The following HTR1D variants were observed in gnomAD, a reference collection of about 807,000 sequenced individuals.
The protein encoded by HTR1D is 5-hydroxytryptamine receptor 1D.
A neutral mutation model predicts 21.1 loss-of-function variants in HTR1D; 18 were observed. The observed-to-expected ratio is 0.85, with a 90% CI of 0.59 to 1.27. The LOEUF (loss-of-function observed/expected upper bound fraction) is 1.27, where lower values mean the gene tolerates loss of function less well. Ranked by LOEUF, HTR1D falls within the 50% of genes most tolerant of loss-of-function variation. HTR1D has a pLI of 0.00. For synonymous variants in HTR1D, 196 were observed against 204.4 expected, an observed-to-expected ratio of 0.96 and a Z score of 0.35; for missense variants, 456 against 481.4, an observed-to-expected ratio of 0.95 and a Z score of 0.49.
chr1:23,197,437 A>G (rs1409848567), intron 1 of HTR1D, among the ~76,000 whole-genome samples: 1 of 152,218 alleles, frequency 6.6e-6, no homozygotes, highest in Non-Finnish European at 1.5e-5. Context: ...AAATAATAAA[A>G]TAAAAAATAC....
At chr1:23,200,604 C>T (rs755004714) in intron 1 of HTR1D, among the ~76,000 whole-genome samples, 1 of 152,038 alleles carries the variant, frequency 6.6e-6, no homozygotes, top group Non-Finnish European at 1.5e-5. Flanking sequence ...AAATTCCTGG[C>T]CTCAAGTGAT....
chr1:23,198,752 G>A (rs755309449), intron 1 of HTR1D, among the ~76,000 whole-genome samples: 27 of 152,070 alleles, frequency 1.8e-4, no homozygotes, highest in African/African-American at 4.3e-4. Context: ...TCAAAAACAC[G>A]CAAGAAGAAA....
intron 1 of HTR1D, among the ~76,000 whole-genome samples, chr1:23,210,416 C>A (rs1644749351): frequency 6.6e-6 from 1 of 152,182 alleles, no homozygotes; most frequent in African/African-American, 2.4e-5. Context: ...TGATGCCTGC[C>A]ACACGGTGGT....
intron 1 of HTR1D, among the ~76,000 whole-genome samples, chr1:23,198,376 A>G (rs951137936): frequency 3.3e-5 from 5 of 149,810 alleles, no homozygotes; most frequent in African/African-American, 1.3e-4. Context: ...AAAAAAAAAA[A>G]AAAAAAAAAA....
Position 23,215,935 on chromosome 1 carries a change from G to A in HTR1D, c.-783+1356C>T, listed in dbSNP as rs1569771072. On this transcript the variant is annotated intron_variant, in intron 1 of 1. Transcript: ENST00000374619. Reference sequence around the variant, plus strand: ...TTGTAGAGGTTGTTGTAGGGGTAGAGGCCCTAGCCCCTGCCAGTCAAGTCC... The same window carrying A: ...TTGTAGAGGTTGTTGTAGGGGTAGAAGCCCTAGCCCCTGCCAGTCAAGTCC... 5.3e-5 allele frequency among the ~76,000 whole-genome samples: 8 copies of A among 152,312 alleles called. No homozygotes were observed. The South Asian group carries it at 1.7e-3, about 32-fold the overall frequency.
At chr1:23,207,276 G>T (rs955282882) in intron 1 of HTR1D, among the ~76,000 whole-genome samples, 1 of 152,124 alleles carries the variant, frequency 6.6e-6, no homozygotes. Context: ...GTGTGTGGTG[G>T]TACGTGCCTG....
At chr1:23,202,972 T>A (rs1355414073) in intron 1 of HTR1D, among the ~76,000 whole-genome samples, 1 of 152,038 alleles carries the variant, frequency 6.6e-6, no homozygotes, top group East Asian at 1.9e-4. Flanking sequence ...TGGTGTGCAG[T>A]GGGGCAATCT....
intron 1 of HTR1D, among the ~76,000 whole-genome samples, chr1:23,197,165 G>T (rs1364101055): frequency 2.0e-5 from 3 of 152,026 alleles, no homozygotes; most frequent in African/African-American, 7.2e-5. Context: ...AGGCTCAAGG[G>T]GCTGGTGTGT....
At chr1:23,199,983 G>A (rs1164955864) in intron 1 of HTR1D, among the ~76,000 whole-genome samples, 1 of 152,178 alleles carries the variant, frequency 6.6e-6, no homozygotes, top group African/African-American at 2.4e-5. Flanking sequence ...TGGGATTACA[G>A]GCATGAGCCA....
At chr1:23,206,309 C>T (rs1393125336) in intron 1 of HTR1D, among the ~76,000 whole-genome samples, 1 of 152,110 alleles carries the variant, frequency 6.6e-6, no homozygotes. Context: ...GGATTACGGG[C>T]GTGAGCCAAC....
intron 1 of HTR1D, among the ~76,000 whole-genome samples, chr1:23,200,253 C>T (rs1260939895): frequency 1.3e-5 from 2 of 152,124 alleles, no homozygotes; most frequent in Non-Finnish European, 2.9e-5. Flanking sequence ...TATTGAGTAG[C>T]GCCAGCAAGA....
rs887821593 is a variant in HTR1D, at chr1:23,217,180, G to C, written c.-783+111C>G. Among the ~76,000 whole-genome samples, 1 of 151,732 alleles carries C rather than the reference G, an allele frequency of 6.6e-6. No homozygotes were observed. Among genetic ancestry groups the C allele is most frequent in the Non-Finnish European group, 1.5e-5 (1 of 67,832 alleles). ...GCGCGCGCCCGTCCGAGGGCACAGA[G>C]AGGCGGGACGCCCCGGGCCCCCGAG... On this transcript the variant is annotated intron_variant, in intron 1 of 1. Coordinates refer to ENST00000374619, the MANE Select transcript of HTR1D (RefSeq NM_000864.5). The surrounding 1 kb of genome is among the most constrained non-coding windows in gnomAD (Gnocchi z 4.6).
rs551255114 is a variant in HTR1D, at chr1:23,192,254, G to A, written c.*832C>T. On this transcript the variant is annotated 3_prime_UTR_variant, in exon 2 of 2. Coordinates refer to ENST00000374619, the MANE Select transcript of HTR1D (RefSeq NM_000864.5). ...CTGCAAATACTGTCTTTCTCTTCAC[G>A]GACAACTGGGAGAGATTTAATCTAA... is the stretch of plus-strand genomic sequence containing the variant. 4.6e-5 allele frequency: 7 copies of A among 152,432 alleles called. No homozygotes were observed. The highest frequency in any genetic ancestry group is 3.9e-4 in the East Asian group (2 of 5,188). The allele number at this position is 152,432 out of a possible 1,614,324, so 9.4% of individuals were successfully genotyped here.
intron 1 of HTR1D, among the ~76,000 whole-genome samples, chr1:23,197,837 G>T (rs561340634): frequency 1.3e-5 from 2 of 151,890 alleles, no homozygotes; most frequent in East Asian, 3.9e-4. Flanking sequence ...AGGAGTTCAA[G>T]ACCAGCCTGG....
intron 1 of HTR1D, among the ~76,000 whole-genome samples, chr1:23,216,814 C>T (rs11801120): frequency 0.3 from 45,792 of 152,086 alleles, 7,354 homozygotes; most frequent in South Asian, 0.48. Context: ...AGCCGGTCAG[C>T]CCCAGCCCGG....
intron 1 of HTR1D, among the ~76,000 whole-genome samples, chr1:23,198,339 C>T (rs1478690542): frequency 7.1e-6 from 1 of 139,988 alleles, no homozygotes; most frequent in Admixed American, 7.8e-5. Flanking sequence ...GCACTCCAGC[C>T]TGGGTGATGG....
At chr1:23,195,533 G>T (rs1644685518) in intron 1 of HTR1D, among the ~76,000 whole-genome samples, 1 of 152,092 alleles carries the variant, frequency 6.6e-6, no homozygotes. Context: ...CTGCCTCCTG[G>T]GTTCAAGCGA....
intron 1 of HTR1D, among the ~76,000 whole-genome samples, chr1:23,203,538 T>A (rs567873506): frequency 2.0e-5 from 3 of 152,210 alleles, no homozygotes; most frequent in Admixed American, 2.0e-4. Flanking sequence ...GCATCTGTAG[T>A]CTTAGCTACT....
intron 1 of HTR1D, among the ~76,000 whole-genome samples, 118 bp from the exon 2 acceptor site, chr1:23,195,119 T>C (rs1310251367): frequency 6.6e-6 from 1 of 152,228 alleles, no homozygotes; most frequent in Non-Finnish European, 1.5e-5. Flanking sequence ...GCTGTGAAAC[T>C]GGCATTCTAA....
Sources: allele counts gnomAD v4.1 joint callset (sites outside exome capture counted in the v4.1 genomes callset), GRCh38; gene constraint gnomAD v4.1.1; non-coding constraint Gnocchi (gnomAD v3.1); transcripts MANE v1.5; gene names NCBI Gene and HGNC (gene_info 2026-07-23, HGNC 2026-07-21).